SOX5: variants seen among roughly 807,000 people sequenced by gnomAD.
SOX5 encodes the protein transcription factor SOX-5.
SOX5 carries 9 observed loss-of-function variants against 92.0 expected under a neutral mutation model. That is an observed-to-expected ratio of 0.10 (90% CI 0.06 to 0.17). SOX5 has a LOEUF of 0.17. Ranked by LOEUF, SOX5 falls within the 10% of genes least tolerant of loss-of-function variation. The pLI is 1.00. For synonymous variants in SOX5, 344 were observed against 336.3 expected, an observed-to-expected ratio of 1.02 and a Z score of -0.25; for missense variants, 642 against 944.5, an observed-to-expected ratio of 0.68 and a Z score of 4.20.
At chr12:23,577,722 T>C (rs1158374048) in intron 9 of SOX5, among the ~76,000 whole-genome samples, 2 of 152,046 alleles carry the variant, frequency 1.3e-5, no homozygotes, top group Non-Finnish European at 2.9e-5. Flanking sequence ...TTAAAGACTA[T>C]TATACCAAAT....
intron 1 of SOX5, among the ~76,000 whole-genome samples, chr12:24,434,582 G>A (rs978223410): frequency 1.3e-5 from 2 of 152,152 alleles, no homozygotes; most frequent in African/African-American, 2.4e-5. Flanking sequence ...GGTAGGGCCT[G>A]GTGGGAGGTG....
intron 1 of SOX5, among the ~76,000 whole-genome samples, chr12:24,562,088 A>G (rs1160409486): frequency 6.6e-6 from 1 of 152,106 alleles, no homozygotes; most frequent in African/African-American, 2.4e-5. Context: ...CGGGGATGAC[A>G]GGGCCACTCC....
At chr12:24,526,667 T>C (rs2970420) in intron 1 of SOX5, among the ~76,000 whole-genome samples, 125 of 152,302 alleles carry the variant, frequency 8.2e-4, no homozygotes, top group Middle Eastern at 3.4e-3. Flanking sequence ...CTCCCATCAC[T>C]GGGCCCAGCA....
intron 2 of SOX5, among the ~76,000 whole-genome samples, chr12:24,346,090 T>C (rs1462066652): frequency 6.6e-6 from 1 of 152,262 alleles, no homozygotes; most frequent in Non-Finnish European, 1.5e-5. Context: ...TAAGAATGTA[T>C]TTCTGCATTA....
At chr12:24,002,761 T>C (rs1951736458) in intron 4 of SOX5, among the ~76,000 whole-genome samples, 1 of 152,126 alleles carries the variant, frequency 6.6e-6, no homozygotes, top group Non-Finnish European at 1.5e-5. Context: ...GAGGAAACAG[T>C]ACCAGTTCTT....
At chr12:23,622,768 ATAT>A (rs1350813899) in intron 8 of SOX5, among the ~76,000 whole-genome samples, 1 of 152,156 alleles carries the variant, frequency 6.6e-6, no homozygotes, top group African/African-American at 2.4e-5. Flanking sequence ...TAATTGGTAA[ATAT>A]TATTACTATT....
chr12:24,243,673 T>A, intron 3 of SOX5, among the ~76,000 whole-genome samples: 1 of 152,190 alleles, frequency 6.6e-6, no homozygotes, highest in Admixed American at 6.5e-5. Flanking sequence ...TAACCACTTA[T>A]GAAAAGAAAA....
intron 1 of SOX5, among the ~76,000 whole-genome samples, chr12:24,530,355 G>A (rs570364426): frequency 6.6e-6 from 1 of 152,294 alleles, no homozygotes; most frequent in East Asian, 1.9e-4. Flanking sequence ...CTACAATGCT[G>A]TTTCTGAAGT....
chr12:24,045,886 T>C (rs1416380787), intron 4 of SOX5, among the ~76,000 whole-genome samples: 1 of 123,898 alleles, frequency 8.1e-6, no homozygotes, highest in Non-Finnish European at 1.8e-5. Flanking sequence ...GTCTCACATG[T>C]TTTGGTTTAT....
chr12:24,417,549 C>T (rs1965232503), intron 1 of SOX5, among the ~76,000 whole-genome samples: 1 of 152,156 alleles, frequency 6.6e-6, no homozygotes, highest in South Asian at 2.1e-4. Flanking sequence ...ATGTTAAGAA[C>T]AGCTCAAAGA....
intron 3 of SOX5, among the ~76,000 whole-genome samples, chr12:23,828,476 G>A (rs940071775): frequency 1.3e-5 from 2 of 152,190 alleles, no homozygotes; most frequent in Admixed American, 1.3e-4. Context: ...TCAGAGGTCA[G>A]TGTTTTAGAA....
In SOX5 at chr12:23,930,213, T is replaced by C. The variant is rs374962480; in HGVS notation, c.38+19351A>G. Among the ~76,000 whole-genome samples, 12 of 151,992 alleles carry C rather than the reference T, an allele frequency of 7.9e-5. No homozygotes were observed. The East Asian group carries it at 2.1e-3, about 27-fold the overall frequency. ...AAAGCAGACTTTGTTCCAGAAACTT[T>C]CCAAGAACATTGGTAGAATGCTTCA... On this transcript the variant is annotated intron_variant, in intron 1 of 14. Coordinates refer to ENST00000451604, the MANE Select transcript of SOX5 (RefSeq NM_006940.6).
At chr12:23,796,880 AATAT>A (rs1187106925) in intron 3 of SOX5, among the ~76,000 whole-genome samples, 3 of 137,832 alleles carry the variant, frequency 2.2e-5, no homozygotes, top group East Asian at 2.3e-4. Context: ...TTTATATATA[AATAT>A]ATATAAATAT....
At chr12:23,810,559 G>A (rs1046182967) in intron 3 of SOX5, among the ~76,000 whole-genome samples, 1 of 152,146 alleles carries the variant, frequency 6.6e-6, no homozygotes. Flanking sequence ...TAGTCTTCTA[G>A]GGCCATTCGA....
intron 3 of SOX5, among the ~76,000 whole-genome samples, chr12:23,768,194 G>A (rs904420476): frequency 3.3e-5 from 5 of 152,104 alleles, no homozygotes; most frequent in Non-Finnish European, 7.4e-5. Context: ...CATCTCAAAG[G>A]GATGGATGCG....
intron 6 of SOX5, among the ~76,000 whole-genome samples, chr12:23,667,144 G>A (rs923411127): frequency 2.0e-5 from 3 of 151,868 alleles, no homozygotes; most frequent in African/African-American, 7.3e-5. Flanking sequence ...GCAGAGAGAG[G>A]GAGAGAGAAA....
chr12:24,304,968 T>A (rs1386352295), intron 2 of SOX5, among the ~76,000 whole-genome samples: 4 of 152,064 alleles, frequency 2.6e-5, no homozygotes, highest in Admixed American at 6.5e-5. Flanking sequence ...GACAACTGAA[T>A]AACCTAGGGG....
intron 4 of SOX5, among the ~76,000 whole-genome samples, chr12:24,142,921 G>T (rs1302822785): frequency 6.6e-6 from 1 of 151,130 alleles, no homozygotes; most frequent in Non-Finnish European, 1.5e-5. Flanking sequence ...TATTTAGCAG[G>T]ATACTGGTCA....
At chr12:23,645,906 A>C (rs902175084) in intron 7 of SOX5, among the ~76,000 whole-genome samples, 15 of 152,242 alleles carry the variant, frequency 9.9e-5, no homozygotes, top group African/African-American at 3.6e-4. Flanking sequence ...CAATAAAGCA[A>C]GTTATGCACA....
Sources: gnomAD v4.1 joint callset for allele counts (sites outside exome capture counted in the v4.1 genomes callset) on GRCh38, gnomAD v4.1.1 for gene constraint, MANE v1.5 for transcripts, NCBI Gene and HGNC (gene_info 2026-07-23, HGNC 2026-07-21) for gene names.